Variants in TRPM3 observed in about 807,000 individuals in gnomAD.
TRPM3 encodes the protein transient receptor potential cation channel subfamily M member 3.
Under a neutral mutation model 181.2 loss-of-function variants are expected in TRPM3, and 77 were observed. The observed-to-expected ratio is 0.42, with a 90% CI of 0.35 to 0.51. The LOEUF (loss-of-function observed/expected upper bound fraction) is 0.51, where lower values mean the gene tolerates loss of function less well. TRPM3 is among the 20% of genes least tolerant of loss of function. TRPM3 has a pLI of 0.01. For synonymous variants in TRPM3, 745 were observed against 796.4 expected (o/e 0.94, Z 1.09); for missense variants, 1,759 against 2,196.7 (o/e 0.80, Z 3.98).
At chr9:70,983,937 G>T (rs2097393868) in intron 1 of TRPM3, among the ~76,000 whole-genome samples, 1 of 152,140 alleles carries the variant, frequency 6.6e-6, no homozygotes, top group Non-Finnish European at 1.5e-5. Flanking sequence ...TCCTGGGGTG[G>T]TTACTGCAGA....
intron 6 of TRPM3, among the ~76,000 whole-genome samples, chr9:70,796,662 G>T (rs1188054163): frequency 6.6e-6 from 1 of 152,190 alleles, no homozygotes; most frequent in Non-Finnish European, 1.5e-5. Flanking sequence ...CTTACATATA[G>T]CTTTTGAAGT....
At chr9:70,540,093 C>T (rs2042890951) in intron 25 of TRPM3, among the ~76,000 whole-genome samples, 2 of 152,196 alleles carry the variant, frequency 1.3e-5, no homozygotes, top group African/African-American at 2.4e-5. Context: ...CCGCCTCGGC[C>T]TCCCAAAGTG....
chr9:70,953,321 A>G (rs1030933466), intron 1 of TRPM3, among the ~76,000 whole-genome samples: 5 of 152,162 alleles, frequency 3.3e-5, no homozygotes, highest in African/African-American at 9.7e-5. Flanking sequence ...CATTCTTTCA[A>G]ATCAAACTTA....
At chr9:70,983,640 A>C (rs2097388221) in intron 1 of TRPM3, among the ~76,000 whole-genome samples, 1 of 152,194 alleles carries the variant, frequency 6.6e-6, no homozygotes, top group Admixed American at 6.5e-5. Context: ...CATAAAAAAC[A>C]GAAAGGCTTT....
chr9:71,371,362 C>T (rs973744333), intron 1 of TRPM3, among the ~76,000 whole-genome samples: 10 of 152,080 alleles, frequency 6.6e-5, no homozygotes, highest in Non-Finnish European at 1.3e-4. Context: ...AGAACATTCA[C>T]AATTAATGGG....
intron 1 of TRPM3, among the ~76,000 whole-genome samples, chr9:71,357,263 G>A (rs995285214): frequency 1.3e-5 from 2 of 152,136 alleles, no homozygotes; most frequent in African/African-American, 4.8e-5. Context: ...TATTTCTAAA[G>A]AAGCAAAAGG....
chr9:70,805,525 C>T (rs1244672531), intron 6 of TRPM3, among the ~76,000 whole-genome samples: 2 of 122,254 alleles, frequency 1.6e-5, no homozygotes, highest in Non-Finnish European at 3.3e-5. Context: ...CAGAGCCAGA[C>T]TCCATCTCGA....
chr9:70,932,479 T>C (rs1412161108), intron 1 of TRPM3, among the ~76,000 whole-genome samples: 1 of 152,138 alleles, frequency 6.6e-6, no homozygotes, highest in East Asian at 1.9e-4. Context: ...GAGACAGACA[T>C]CATGTAAATA....
intron 1 of TRPM3, among the ~76,000 whole-genome samples, chr9:71,372,200 T>A (rs2092537759): frequency 6.6e-6 from 1 of 152,216 alleles, no homozygotes; most frequent in African/African-American, 2.4e-5. Context: ...TATATATATG[T>A]ATTAATACCA....
At chr9:71,063,445 A>G (rs1288171856) in intron 1 of TRPM3, among the ~76,000 whole-genome samples, 1 of 152,170 alleles carries the variant, frequency 6.6e-6, no homozygotes, top group Non-Finnish European at 1.5e-5. Context: ...GCATGTTACA[A>G]TATAATGAAA....
At chr9:71,252,243 T>A (rs908072604) in intron 1 of TRPM3, among the ~76,000 whole-genome samples, 12 of 152,078 alleles carry the variant, frequency 7.9e-5, no homozygotes, top group Non-Finnish European at 1.8e-4. Context: ...TTATGGCCAA[T>A]TGAGGTAGCA....
intron 1 of TRPM3, among the ~76,000 whole-genome samples, chr9:71,077,803 A>G (rs2063680146): frequency 6.6e-6 from 1 of 152,186 alleles, no homozygotes; most frequent in South Asian, 2.1e-4. Context: ...TGTGCTTGAT[A>G]AACTGAACTA....
intron 1 of TRPM3, among the ~76,000 whole-genome samples, chr9:71,068,869 T>C (rs942826044): frequency 1.3e-5 from 2 of 152,224 alleles, no homozygotes; most frequent in African/African-American, 4.8e-5. Flanking sequence ...CCCAATATTT[T>C]AGAACTTACA....
At chr9:71,287,530 G>T (rs1336772347) in intron 1 of TRPM3, among the ~76,000 whole-genome samples, 3 of 151,886 alleles carry the variant, frequency 2.0e-5, no homozygotes, top group Non-Finnish European at 2.9e-5. Context: ...TACTAGCGTA[G>T]GCTCTCAGTT....
At chr9:70,589,533 C>A (rs958682198) in intron 22 of TRPM3, among the ~76,000 whole-genome samples, 3 of 152,122 alleles carry the variant, frequency 2.0e-5, no homozygotes, top group African/African-American at 7.2e-5. Flanking sequence ...GGAAAATGGT[C>A]ATAGGTGGGT....
intron 9 of TRPM3, among the ~76,000 whole-genome samples, chr9:70,652,685 T>G (rs181889342): frequency 6.6e-5 from 10 of 152,322 alleles, no homozygotes; most frequent in Admixed American, 6.5e-4. Context: ...GCAGAGTAAC[T>G]CACAGTATCA....
At chr9:71,128,942 C>A (rs921499358) in intron 1 of TRPM3, among the ~76,000 whole-genome samples, 11 of 152,198 alleles carry the variant, frequency 7.2e-5, no homozygotes, top group African/African-American at 2.7e-4. Context: ...ACACACCCTG[C>A]CTTGTGCATC....
At chr9:71,414,546 T>C (rs908128791) in intron 1 of TRPM3, among the ~76,000 whole-genome samples, 3 of 152,044 alleles carry the variant, frequency 2.0e-5, no homozygotes, top group Non-Finnish European at 4.4e-5. Flanking sequence ...AGTAATCACA[T>C]GTGGGTCAAA....
chr9:71,066,516 T>G (rs1198733398), intron 1 of TRPM3, among the ~76,000 whole-genome samples: 6 of 152,204 alleles, frequency 3.9e-5, no homozygotes, highest in Admixed American at 2.0e-4. Context: ...AATGGGGTCG[T>G]GGCAGATAGG....
Sources: allele counts gnomAD v4.1 joint callset (sites outside exome capture counted in the v4.1 genomes callset), GRCh38; gene constraint gnomAD v4.1.1; transcripts MANE v1.5; gene names NCBI Gene and HGNC (gene_info 2026-07-23, HGNC 2026-07-21).